The following PPFIA2 variants were observed in gnomAD, a reference collection of about 807,000 sequenced individuals.
PPFIA2 encodes the protein PPFI scaffold protein A2, also known as liprin-alpha-2.
A neutral mutation model predicts 175.5 loss-of-function variants in PPFIA2; 46 were observed. That is an observed-to-expected ratio of 0.26 (90% CI 0.21 to 0.34). The LOEUF (loss-of-function observed/expected upper bound fraction) is 0.34, where lower values mean the gene tolerates loss of function less well. Among genes scored for constraint, PPFIA2 ranks in the 10% least tolerant of loss-of-function variants. The probability of loss-of-function intolerance (pLI) is 1.00; values close to 1 mark genes in which losing one functional copy is unlikely to be tolerated. For synonymous variants in PPFIA2, 568 were observed against 511.4 expected, an observed-to-expected ratio of 1.11 and a Z score of -1.49; for missense variants, 1,179 against 1,506.1, an observed-to-expected ratio of 0.78 and a Z score of 3.60.
intron 4 of PPFIA2, among the ~76,000 whole-genome samples, chr12:81,517,501 G>A (rs1390040968): frequency 1.3e-5 from 2 of 152,280 alleles, no homozygotes; most frequent in East Asian, 1.9e-4. Flanking sequence ...CTCGGCTAAT[G>A]CTGCCAAGAA....
chr12:81,312,200 A>C (rs2051097992), intron 22 of PPFIA2: 1 of 1,529,996 alleles, frequency 6.5e-7, no homozygotes, highest in African/African-American at 1.4e-5. Flanking sequence ...ACGGATGGAA[A>C]AGAAAAGCAC....
At chr12:81,292,078 A>T (rs535114427) in intron 24 of PPFIA2, among the ~76,000 whole-genome samples, 12 of 152,154 alleles carry the variant, frequency 7.9e-5, no homozygotes, top group Non-Finnish European at 1.8e-4. Context: ...TTGTTCATTA[A>T]GAAATGAATT....
At chr12:81,603,270 C>A (rs1343331355) in intron 4 of PPFIA2, among the ~76,000 whole-genome samples, 3 of 151,776 alleles carry the variant, frequency 2.0e-5, no homozygotes, top group Non-Finnish European at 4.4e-5. Flanking sequence ...TGTCTCCATT[C>A]TCTGCAATGT....
rs180930064 is a variant in PPFIA2, at chr12:81,266,183, A to G, written c.3555+769T>C. ...ATAATTTTAATCAGCTTGTCTTTGT[A>G]GTAAGGAACACCTGTACTTTGCAAC... On this transcript the variant is annotated intron_variant, in intron 30 of 32. Coordinates refer to ENST00000549396, the MANE Select transcript of PPFIA2 (RefSeq NM_003625.5). Among the ~76,000 whole-genome samples, 263 of 152,304 alleles carry G rather than the reference A, an allele frequency of 1.7e-3. 2 individuals carry two copies. The highest frequency in any genetic ancestry group is 2.7e-3 in the Non-Finnish European group (186 of 68,024).
chr12:81,600,524 T>C (rs76588787), intron 4 of PPFIA2, among the ~76,000 whole-genome samples: 14,315 of 152,026 alleles, frequency 0.094, 849 homozygotes, highest in South Asian at 0.16. Flanking sequence ...TGAAAATTTA[T>C]GTTTTATTTT....
At chr12:81,293,138 A>C (rs910502368) in intron 24 of PPFIA2, among the ~76,000 whole-genome samples, 1 of 152,036 alleles carries the variant, frequency 6.6e-6, no homozygotes, top group Non-Finnish European at 1.5e-5. Context: ...TATTGCTAAA[A>C]TTTATCTCAT....
intron 5 of PPFIA2, among the ~76,000 whole-genome samples, chr12:81,447,555 A>C (rs1395148668): frequency 6.6e-6 from 1 of 152,180 alleles, no homozygotes; most frequent in Non-Finnish European, 1.5e-5. Flanking sequence ...GTCTAAAGTA[A>C]GTTTCTCCTT....
intron 4 of PPFIA2, among the ~76,000 whole-genome samples, chr12:81,501,431 A>C (rs973845331): frequency 1.3e-5 from 2 of 152,058 alleles, no homozygotes; most frequent in East Asian, 3.9e-4. Context: ...CATATAATAC[A>C]TTTGCTTGAC....
intron 3 of PPFIA2, among the ~76,000 whole-genome samples, chr12:81,747,355 G>C (rs2083201146): frequency 6.9e-6 from 1 of 144,136 alleles, no homozygotes; most frequent in Non-Finnish European, 1.6e-5. Context: ...ACTGGCCATG[G>C]TGGAAGTGGA....
At chr12:81,502,667 A>G (rs140038805) in intron 4 of PPFIA2, among the ~76,000 whole-genome samples, 2,613 of 152,258 alleles carry the variant, frequency 0.017, 27 homozygotes, top group Middle Eastern at 0.037. Flanking sequence ...GTGCTAGGGG[A>G]AAAAGGTGAT....
intron 2 of PPFIA2, among the ~76,000 whole-genome samples, chr12:81,757,100 A>G (rs543156359): frequency 2.0e-5 from 3 of 152,210 alleles, no homozygotes; most frequent in Non-Finnish European, 4.4e-5. Flanking sequence ...AATCCTTAAA[A>G]TGCAGTATAA....
In PPFIA2 at chr12:81,605,073, T is replaced by G. The variant is rs190029145; in HGVS notation, c.303+71718A>C. On this transcript the variant is annotated intron_variant, in intron 4 of 32. Transcript: ENST00000549396. The stretch of plus-strand genomic sequence containing the variant: ...TTCCAAAAATACTTAGAGCCTATGC[T>G]TTTATATCAGGAAATTCAACTCACA... Among the ~76,000 whole-genome samples the G allele has an allele frequency of 1.2e-4, 18 of 151,952 alleles. No individual in the cohort carries two copies. The Middle Eastern group carries it at 0.01, about 86-fold the overall frequency.
intron 4 of PPFIA2, among the ~76,000 whole-genome samples, chr12:81,605,245 A>T (rs1286779515): frequency 1.3e-5 from 2 of 151,796 alleles, no homozygotes; most frequent in Non-Finnish European, 2.9e-5. Context: ...GAATTTGGGG[A>T]TTTAAATACA....
At chr12:81,341,419 A>G (rs1394615744) in intron 19 of PPFIA2, among the ~76,000 whole-genome samples, 1 of 146,472 alleles carries the variant, frequency 6.8e-6, no homozygotes, top group African/African-American at 2.5e-5. Flanking sequence ...AAATTAAAAA[A>G]AAATCATAGA....
At chr12:81,738,826 TTTA>T (rs1243818813) in intron 3 of PPFIA2, among the ~76,000 whole-genome samples, 1 of 151,984 alleles carries the variant, frequency 6.6e-6, no homozygotes, top group Non-Finnish European at 1.5e-5. Flanking sequence ...TCAGAAATTG[TTTA>T]TTATTTGTGG....
chr12:81,300,314 A>G lies in PPFIA2; in HGVS notation c.2643-932T>C, dbSNP rs1303106744. Among the ~76,000 whole-genome samples the G allele has an allele frequency of 3.3e-5, 5 of 152,314 alleles. No homozygotes were observed. The East Asian group carries it at 9.6e-4, about 29-fold the overall frequency. On this transcript the variant is annotated intron_variant, in intron 22 of 32. Transcript: ENST00000549396. Reference sequence around the variant, plus strand: ...GATCTTACACATAGATGATAAAAACATGGTATAATAATTGCTTTATTTTGA... The same window carrying G: ...GATCTTACACATAGATGATAAAAACGTGGTATAATAATTGCTTTATTTTGA...
At chr12:81,397,285 A>G (rs563396181) in intron 8 of PPFIA2, among the ~76,000 whole-genome samples, 9 of 151,990 alleles carry the variant, frequency 5.9e-5, no homozygotes, top group Admixed American at 4.6e-4. Context: ...AAGAGAAGAA[A>G]CTGGGAGTTG....
intron 24 of PPFIA2, 114 bp downstream of exon 24, chr12:81,294,721 G>C (rs967909047): frequency 1.2e-5 from 12 of 981,852 alleles, no homozygotes; most frequent in Non-Finnish European, 1.6e-5. Context: ...TTAATCTCTT[G>C]AGAATAATTC....
At chr12:81,541,273 G>C (rs1483889294) in intron 4 of PPFIA2, among the ~76,000 whole-genome samples, 3 of 151,798 alleles carry the variant, frequency 2.0e-5, no homozygotes, top group Non-Finnish European at 4.4e-5. Context: ...TTTTTTTAAT[G>C]AGTGCTATTC....
Sources: gnomAD v4.1 joint callset for allele counts (sites outside exome capture counted in the v4.1 genomes callset) on GRCh38, gnomAD v4.1.1 for gene constraint, MANE v1.5 for transcripts, NCBI Gene and HGNC (gene_info 2026-07-23, HGNC 2026-07-21) for gene names.